EPHA3: variants seen among roughly 807,000 people sequenced by gnomAD.
The protein encoded by EPHA3 is EPH receptor A3.
Under a neutral mutation model 107.1 loss-of-function variants are expected in EPHA3, and 42 were observed. The observed-to-expected ratio is 0.39, with a 90% CI of 0.31 to 0.51. The LOEUF (loss-of-function observed/expected upper bound fraction) is 0.51, where lower values mean the gene tolerates loss of function less well. Ranked by LOEUF, EPHA3 falls within the 20% of genes least tolerant of loss-of-function variation. The probability of loss-of-function intolerance (pLI) is 0.78; values close to 1 mark genes in which losing one functional copy is unlikely to be tolerated. For missense variants in EPHA3, 1,183 were observed against 1,211.2 expected (o/e 0.98, Z 0.35); for synonymous variants, 461 against 424.8 (o/e 1.09, Z -1.05).
intron 2 of EPHA3, among the ~76,000 whole-genome samples, chr3:89,208,429 A>AGAAAGAAG: frequency 9.7e-6 from 1 of 103,506 alleles, no homozygotes; most frequent in Non-Finnish European, 1.9e-5. Flanking sequence ...GAAGGAAGAA[A>AGAAAGAAG]GAAAGAAAGA....
chr3:89,385,535 C>T (rs1266993333), intron 5 of EPHA3, among the ~76,000 whole-genome samples: 1 of 152,166 alleles, frequency 6.6e-6, no homozygotes, highest in East Asian at 1.9e-4. Context: ...TTGTAAATTT[C>T]CTGAGGCCTC....
chr3:89,417,936 A>T lies in EPHA3; in HGVS notation c.1889-1269A>T, dbSNP rs186460322. Among the ~76,000 whole-genome samples the T allele has an allele frequency of 1.5e-4, 22 of 151,552 alleles. No individual in the cohort carries two copies. In the East Asian group the frequency reaches 3.3e-3, roughly 23 times the overall value. On this transcript the variant is annotated intron_variant, in intron 10 of 16. Transcript: ENST00000336596. Reference sequence around the variant, plus strand: ...GGGCAAGAGTGGATTTCTGGGGATGAGTCAAGCCTGGGGAAGGTTAAAGCT... The same window carrying T: ...GGGCAAGAGTGGATTTCTGGGGATGTGTCAAGCCTGGGGAAGGTTAAAGCT...
At chr3:89,329,882 A>T (rs980085080) in intron 3 of EPHA3, among the ~76,000 whole-genome samples, 5 of 152,052 alleles carry the variant, frequency 3.3e-5, no homozygotes, top group African/African-American at 1.2e-4. Flanking sequence ...GTCAGTGAAT[A>T]TACAAATCTG....
At chr3:89,456,338 T>A (rs960681690) in intron 15 of EPHA3, among the ~76,000 whole-genome samples, 1 of 152,212 alleles carries the variant, frequency 6.6e-6, no homozygotes, top group African/African-American at 2.4e-5. Flanking sequence ...GAACTGTGTT[T>A]ATACACGTAC....
intron 16 of EPHA3, among the ~76,000 whole-genome samples, chr3:89,475,081 C>CT (rs1438488635): frequency 6.6e-6 from 1 of 152,138 alleles, no homozygotes; most frequent in Non-Finnish European, 1.5e-5. Context: ...AAAGGAGCTG[C>CT]TTTTTTCCTT....
intron 7 of EPHA3, among the ~76,000 whole-genome samples, chr3:89,406,490 C>T (rs989086287): frequency 1.3e-5 from 2 of 152,118 alleles, no homozygotes; most frequent in African/African-American, 4.8e-5. Context: ...CTTGCCCATT[C>T]TAGCATAAAA....
intron 3 of EPHA3, among the ~76,000 whole-genome samples, chr3:89,211,707 C>T (rs1704089354): frequency 6.6e-6 from 1 of 151,080 alleles, no homozygotes; most frequent in African/African-American, 2.4e-5. Context: ...TCCCCCTCTT[C>T]CTCTTCCTCT....
intron 6 of EPHA3, among the ~76,000 whole-genome samples, chr3:89,398,390 C>T (rs147086397): frequency 3.9e-5 from 6 of 152,120 alleles, no homozygotes; most frequent in East Asian, 1.9e-4. Flanking sequence ...TAAAATGTGT[C>T]GTGTGAATCT....
intron 5 of EPHA3, among the ~76,000 whole-genome samples, chr3:89,357,273 G>T (rs1453347404): frequency 6.6e-6 from 1 of 150,584 alleles, no homozygotes; most frequent in Admixed American, 6.7e-5. Flanking sequence ...GGCCCAGGTT[G>T]TGACAGGAGA....
chr3:89,359,483 G>A (rs968112831), intron 5 of EPHA3, among the ~76,000 whole-genome samples: 1 of 150,400 alleles, frequency 6.6e-6, no homozygotes, highest in Non-Finnish European at 1.5e-5. Flanking sequence ...TAGCTGTCTT[G>A]TTGGGTAGTA....
intron 1 of EPHA3, among the ~76,000 whole-genome samples, chr3:89,122,509 G>A (rs1362902174): frequency 6.6e-6 from 1 of 152,148 alleles, no homozygotes; most frequent in Non-Finnish European, 1.5e-5. Context: ...GCCTATGGGT[G>A]TATTATTAGG....
At chr3:89,391,421 C>CTTTTCTTTCTTTTCTT (rs1708734128) in intron 5 of EPHA3, among the ~76,000 whole-genome samples, 1 of 116,000 alleles carries the variant, frequency 8.6e-6, no homozygotes, top group African/African-American at 3.5e-5. Context: ...TCTTTCTTTT[C>CTTTTCTTTCTTTTCTT]TTTTTTTTTT....
chr3:89,444,477 AATAAG>A (rs902461240), intron 13 of EPHA3, among the ~76,000 whole-genome samples: 1 of 152,076 alleles, frequency 6.6e-6, no homozygotes, highest in Non-Finnish European at 1.5e-5. Context: ...CTTGCCATAG[AATAAG>A]ATAATTTTTA....
chr3:89,209,556 G>A (rs1197304374), intron 2 of EPHA3, among the ~76,000 whole-genome samples: 3 of 152,034 alleles, frequency 2.0e-5, no homozygotes, highest in East Asian at 3.9e-4. Flanking sequence ...TAATATTATA[G>A]TGTCATTGGA....
chr3:89,341,373 G>A (rs1275528218), intron 4 of EPHA3, among the ~76,000 whole-genome samples: 1 of 152,182 alleles, frequency 6.6e-6, no homozygotes, highest in East Asian at 1.9e-4. Flanking sequence ...ATAGACAGGG[G>A]ATTTATGTTT....
intron 15 of EPHA3, among the ~76,000 whole-genome samples, chr3:89,457,930 C>T (rs1293521850): frequency 3.9e-5 from 6 of 152,160 alleles, no homozygotes. Flanking sequence ...TGCAGAGTGA[C>T]AGAGAAAGTA....
At chr3:89,369,684 C>T (rs1708253910) in intron 5 of EPHA3, among the ~76,000 whole-genome samples, 1 of 148,092 alleles carries the variant, frequency 6.8e-6, no homozygotes, top group East Asian at 2.0e-4. Flanking sequence ...AGAGCTTCTG[C>T]ACAGCAAAAG....
chr3:89,408,044 C>T (rs548008728), intron 8 of EPHA3, 23 bp from the exon 9 acceptor site: 42 of 1,609,982 alleles, frequency 2.6e-5, no homozygotes, highest in South Asian at 1.5e-4. Context: ...CTTATGTGTT[C>T]GCTTTCCTTG....
chr3:89,240,665 T>C lies in EPHA3; in HGVS notation c.814+30145T>C, dbSNP rs190574217. On this transcript the variant is annotated intron_variant, in intron 3 of 16. Coordinates refer to ENST00000336596, the MANE Select transcript of EPHA3 (RefSeq NM_005233.6). ...ATTTTTAATAAAAATTCAGAATATT[T>C]TTAGAAAATAAAAACCATTCGCATT... 1.5e-3 allele frequency among the ~76,000 whole-genome samples: 223 copies of C among 152,134 alleles called. 1 individual carries two copies. The highest frequency in any genetic ancestry group is 5.1e-3 in the African/African-American group (212 of 41,574).
Sources: allele counts gnomAD v4.1 joint callset (sites outside exome capture counted in the v4.1 genomes callset), GRCh38; gene constraint gnomAD v4.1.1; transcripts MANE v1.5; gene names NCBI Gene and HGNC (gene_info 2026-07-23, HGNC 2026-07-21).